Variants in MACROD1 observed in about 807,000 individuals in gnomAD.
MACROD1 encodes the protein mono-ADP ribosylhydrolase 1.
Under a neutral mutation model 41.4 loss-of-function variants are expected in MACROD1, and 31 were observed. The observed-to-expected ratio is 0.75, with a 90% CI of 0.56 to 1.01. MACROD1 has a LOEUF of 1.01. Among genes scored for constraint, MACROD1 ranks in the 50% least tolerant of loss-of-function variants. The pLI, the probability that MACROD1 is intolerant of heterozygous loss-of-function variation, is 0.00. For synonymous variants in MACROD1, 252 were observed against 203.4 expected (o/e 1.24, Z -2.03); for missense variants, 473 against 460.0 (o/e 1.03, Z -0.26).
At chr11:64,138,820 T>C (rs182405549) in intron 3 of MACROD1, among the ~76,000 whole-genome samples, 115 of 151,240 alleles carry the variant, frequency 7.6e-4, no homozygotes, top group Non-Finnish European at 1.2e-3. Context: ...CAGGCTGGAG[T>C]GCGGTGGCAC....
chr11:64,155,948 A>G (rs1472770596), intron 1 of MACROD1, among the ~76,000 whole-genome samples: 1 of 151,918 alleles, frequency 6.6e-6, no homozygotes, highest in Non-Finnish European at 1.5e-5. Context: ...ATCTCTACTA[A>G]AAATACAAAA....
intron 3 of MACROD1, among the ~76,000 whole-genome samples, chr11:64,060,223 C>T (rs1345087517): frequency 1.3e-5 from 2 of 152,252 alleles, no homozygotes; most frequent in Non-Finnish European, 1.5e-5. Flanking sequence ...ACATTTCAAG[C>T]GGCCTGACAG....
In MACROD1 at chr11:64,096,462, A is replaced by T. The variant is rs1297338729; in HGVS notation, c.517+54777T>A. Among the ~76,000 whole-genome samples the T allele has an allele frequency of 6.6e-6, 1 of 151,074 alleles. No homozygotes were observed. The highest frequency in any genetic ancestry group is 1.5e-5 in the Non-Finnish European group (1 of 67,824). Reference sequence around the variant, plus strand: ...GAGTCTCGCTGTGCTGCCCAGGATGATGAAGTGCAGTGGTATGATCTCGGC... The same window carrying T: ...GAGTCTCGCTGTGCTGCCCAGGATGTTGAAGTGCAGTGGTATGATCTCGGC... On this transcript the variant is annotated intron_variant, in intron 3 of 10. Coordinates refer to ENST00000255681, the MANE Select transcript of MACROD1 (RefSeq NM_014067.4). This position sits in a 1 kb window ranked among gnomAD's most constrained non-coding sequence, Gnocchi z 4.6.
At position 63,999,627 on chromosome 11, in the gene MACROD1, C is replaced by T; in HGVS notation, c.786+15G>A. 6.2e-7 allele frequency: 1 copy of T among 1,609,378 alleles called. No homozygotes were observed. The highest frequency in any genetic ancestry group is 8.5e-7 in the Non-Finnish European group (1 of 1,178,776). On this transcript the variant is annotated intron_variant, in intron 6 of 10. Transcript: ENST00000255681. ...GCGCCCCGCCTCCCGCCCTCCCCCG[C>T]GGGCCGTCCCTCACCACCGAGCGGA...
intron 1 of MACROD1, among the ~76,000 whole-genome samples, chr11:64,158,981 T>C (rs564598669): frequency 6.7e-6 from 1 of 149,014 alleles, no homozygotes; most frequent in East Asian, 2.0e-4. Flanking sequence ...AGCTCATGAG[T>C]TCAAGACCAG....
chr11:64,115,398 T>C (rs1361832792), intron 3 of MACROD1, among the ~76,000 whole-genome samples: 1 of 151,678 alleles, frequency 6.6e-6, no homozygotes, highest in African/African-American at 2.4e-5. Context: ...TTTTTTTGAA[T>C]AGCTGAAAGT....
chr11:64,046,737 A>C (rs571214680), intron 3 of MACROD1, among the ~76,000 whole-genome samples: 149 of 152,158 alleles, frequency 9.8e-4, no homozygotes, highest in African/African-American at 3.2e-3. Flanking sequence ...GACCTTGAGT[A>C]ATCCGCCTGC....
intron 3 of MACROD1, among the ~76,000 whole-genome samples, chr11:64,024,063 C>A (rs1285587261): frequency 6.6e-6 from 1 of 152,196 alleles, no homozygotes; most frequent in Non-Finnish European, 1.5e-5. Context: ...CCTCTCCAAG[C>A]CCTGTCCCCA....
chr11:64,017,818 G>A (rs937341145), intron 3 of MACROD1, among the ~76,000 whole-genome samples: 3 of 151,276 alleles, frequency 2.0e-5, no homozygotes, highest in East Asian at 1.9e-4. Context: ...AATTAACACC[G>A]GCCACAAATG....
At chr11:64,148,418 G>A (rs897914321) in intron 3 of MACROD1, among the ~76,000 whole-genome samples, 6 of 152,134 alleles carry the variant, frequency 3.9e-5, no homozygotes, top group South Asian at 2.1e-4. Flanking sequence ...AAGCTCCGGC[G>A]GGCGGCCAGA....
At chr11:64,158,014 T>C (rs528790894) in intron 1 of MACROD1, among the ~76,000 whole-genome samples, 5 of 152,172 alleles carry the variant, frequency 3.3e-5, no homozygotes, top group South Asian at 2.1e-4. Flanking sequence ...CACCAGGGCA[T>C]TGGCAAGGCT....
rs58009222 is a variant in MACROD1 at position 64,130,690 on chromosome 11, C to A, written c.517+20549G>T. On this transcript the variant is annotated intron_variant, in intron 3 of 10. Coordinates refer to ENST00000255681, the MANE Select transcript of MACROD1 (RefSeq NM_014067.4). The stretch of plus-strand genomic sequence containing the variant: ...ATAAGGCATGCTTCCAGGACCCCCC[C>A]ACACATGCCGCTGCCTCCCCGCCGC... Among the ~76,000 whole-genome samples the A allele has an allele frequency of 2.3e-3, 345 of 152,306 alleles. 4 individuals are homozygous for A. The East Asian group carries it at 0.057, about 25-fold the overall frequency.
chr11:64,007,236 G>A (rs1942927827), intron 4 of MACROD1, among the ~76,000 whole-genome samples: 1 of 152,228 alleles, frequency 6.6e-6, no homozygotes, highest in African/African-American at 2.4e-5. Context: ...GCAAGGGCCA[G>A]GAGTCCTGTG....
At chr11:64,110,464 G>A (rs894512508) in intron 3 of MACROD1, among the ~76,000 whole-genome samples, 203 of 150,650 alleles carry the variant, frequency 1.3e-3, no homozygotes, top group African/African-American at 4.6e-3. Flanking sequence ...AAAAAAAAAA[G>A]AAAGAAATCA....
chr11:64,128,328 ACAGT>A (rs1282995055), intron 3 of MACROD1, among the ~76,000 whole-genome samples: 11 of 152,196 alleles, frequency 7.2e-5, no homozygotes, highest in Admixed American at 6.5e-4. Flanking sequence ...TTTCTGGAAC[ACAGT>A]CAGCCAGCCA....
chr11:64,100,241 G>A (rs1944647962), intron 3 of MACROD1, among the ~76,000 whole-genome samples: 1 of 152,238 alleles, frequency 6.6e-6, no homozygotes, highest in Middle Eastern at 3.4e-3. Context: ...GGGCAGATTC[G>A]GCCAAAACGC....
chr11:64,011,842 G>A (rs1283345559), intron 4 of MACROD1, among the ~76,000 whole-genome samples: 1 of 152,064 alleles, frequency 6.6e-6, no homozygotes, highest in African/African-American at 2.4e-5. Context: ...TCTGGGCAGA[G>A]TCAGATGGGG....
At chr11:64,125,629 C>A (rs983265480) in intron 3 of MACROD1, among the ~76,000 whole-genome samples, 1 of 152,230 alleles carries the variant, frequency 6.6e-6, no homozygotes, top group Admixed American at 6.5e-5. Context: ...AAGCACCTCG[C>A]TCCACCCTGC....
chr11:64,045,564 T>C (rs1042771162), intron 3 of MACROD1, among the ~76,000 whole-genome samples: 1 of 151,968 alleles, frequency 6.6e-6, no homozygotes, highest in African/African-American at 2.4e-5. Flanking sequence ...ATTTGGTAGG[T>C]AGGGGGTGAG....
Sources: gnomAD v4.1 joint callset for allele counts (sites outside exome capture counted in the v4.1 genomes callset) on GRCh38, gnomAD v4.1.1 for gene constraint, Gnocchi (gnomAD v3.1) non-coding constraint, MANE v1.5 for transcripts, NCBI Gene and HGNC (gene_info 2026-07-23, HGNC 2026-07-21) for gene names.